The following GFRA3 variants were observed in gnomAD, a reference collection of about 807,000 sequenced individuals.
GFRA3 encodes the protein GDNF family receptor alpha-3.
In GFRA3, 24 loss-of-function variants were observed where a neutral mutation model predicts 40.0. The observed-to-expected ratio is 0.60, with a 90% confidence interval of 0.43 to 0.84. GFRA3 has a LOEUF of 0.84. Among genes scored for constraint, GFRA3 ranks in the 40% least tolerant of loss-of-function variants. GFRA3 has a pLI of 0.00. For synonymous variants in GFRA3, 203 were observed against 213.5 expected, an observed-to-expected ratio of 0.95 and a Z score of 0.43; for missense variants, 405 against 530.6, an observed-to-expected ratio of 0.76 and a Z score of 2.33.
intron 2 of GFRA3, among the ~76,000 whole-genome samples, chr5:138,260,817 T>G (rs1581509800): frequency 6.9e-6 from 1 of 144,310 alleles, no homozygotes; most frequent in South Asian, 2.2e-4. Context: ...TCCTTGAACC[T>G]AGGAACTTGA....
Position 138,252,954 on chromosome 5 carries a change from C to T in GFRA3, c.*14G>A. The stretch of plus-strand genomic sequence containing the variant: ...GGGTGTGGTGGAGGGGAAGAGGGCC[C>T]TGGGGAAGTCCAGCTACCATAGGCT... On this transcript the variant is annotated 3_prime_UTR_variant, in exon 8 of 8. Coordinates refer to ENST00000274721, the MANE Select transcript of GFRA3 (RefSeq NM_001496.4). 6.7e-7 allele frequency: 1 copy of T among 1,487,252 alleles called. No homozygotes were observed. Among genetic ancestry groups the T allele is most frequent in the Non-Finnish European group, 9.4e-7 (1 of 1,065,282 alleles). The allele number at this position is 1,487,252 out of a possible 1,614,324, so 92.1% of individuals were successfully genotyped here.
At position 138,264,519 on chromosome 5, in the gene GFRA3, T is replaced by C. The variant is rs1755754676; in HGVS notation, c.121A>G (p.Met41Val). ...GDPLPTESRL[M>V]NSCLQARRKC... ...CTCCTGGCCTGGAGACAGCTGTTCA[T>C]GAGTCGGCTTTCTGTGGGAAGGGGG... Residue 41 changes from methionine to valine, a missense_variant, in exon 2 of 8, where the codon ATG (methionine) becomes GTG (valine). By Grantham distance (21) the Met-to-Val change is conservative (BLOSUM62 1). Transcript: ENST00000274721. 1 of 1,609,694 alleles carries C rather than the reference T, an allele frequency of 6.2e-7. No individual in the cohort carries two copies. Among genetic ancestry groups the C allele is most frequent in the African/African-American group, 1.3e-5 (1 of 74,964 alleles).
In GFRA3 at chr5:138,259,599, G is replaced by C; in HGVS notation, c.430C>G (p.Pro144Ala). Residue 144 changes from proline to alanine, a missense_variant, in exon 3 of 8, where the codon CCC becomes GCC. Coordinates refer to ENST00000274721, the MANE Select transcript of GFRA3 (RefSeq NM_001496.4). ...SPYEDTVTSK[P>A]WKMNLSKLNM... Reference sequence around the variant, plus strand: ...AGTTTGCTGAGATTCATTTTCCAGGGTTTGCTGGTCACTGTGTCTTCATAG... The same window carrying C: ...AGTTTGCTGAGATTCATTTTCCAGGCTTTGCTGGTCACTGTGTCTTCATAG... The C allele has an allele frequency of 6.4e-7, 1 of 1,573,888 alleles. No homozygotes were observed. The highest frequency in any genetic ancestry group is 8.7e-7 in the Non-Finnish European group (1 of 1,143,264).
chr5:138,267,933 C>T (rs1194952636), intron 1 of GFRA3, among the ~76,000 whole-genome samples: 1 of 152,122 alleles, frequency 6.6e-6, no homozygotes, highest in Non-Finnish European at 1.5e-5. Flanking sequence ...ATTGGCTACC[C>T]ACATGTAGGA....
At position 138,253,448 on chromosome 5, in the gene GFRA3, G is replaced by A. The variant is rs2126609976; in HGVS notation, c.1025-73C>T. The A allele has an allele frequency of 4.1e-6, 4 of 986,912 alleles. No individual in the cohort carries two copies. The Admixed American group carries it at 6.0e-5, about 15-fold the overall frequency. 61.1% of individuals were successfully genotyped at this position (986,912 alleles called of 1,614,324 possible). A position where few individuals can be genotyped will look rare whatever the true frequency, so the allele number is the denominator to read the frequency against. ...TTTCTCAGGCTCCCAAGGAAGGAAA[G>A]GGAATGCCACAGGGACCCTGGGCTA... On this transcript the variant is annotated intron_variant, in intron 6 of 7. Transcript: ENST00000274721.
chr5:138,258,166 CTTTTTTTTTTTTTTTTTTTTTTTT>C (rs66792829), intron 3 of GFRA3, among the ~76,000 whole-genome samples: 1 of 51,640 alleles, frequency 1.9e-5, no homozygotes, highest in Non-Finnish European at 3.3e-5. Context: ...CCCTACTCCT[CTTTTTTTTTTTTTTTTTTTTTTTT>C]TTTTTTTGAG....
intron 3 of GFRA3, among the ~76,000 whole-genome samples, chr5:138,258,998 AAG>A (rs1280368407): frequency 1.3e-5 from 2 of 152,200 alleles, no homozygotes; most frequent in African/African-American, 2.4e-5. Context: ...CTTTCTCAAA[AAG>A]AGAGTGCATG....
rs1755719635 is a variant in GFRA3 at position 138,262,126 on chromosome 5, G to T, written c.379+2135C>A. Among the ~76,000 whole-genome samples the T allele has an allele frequency of 1.3e-5, 2 of 152,188 alleles. 1 individual carries two copies. Among genetic ancestry groups the T allele is most frequent in the African/African-American group, 4.8e-5 (2 of 41,448 alleles). ...AGAGCTACCAGTGTAGATTAAAAGA[G>T]ACTGTGACTATTTGAGACTTAAAAT... On this transcript the variant is annotated intron_variant, in intron 2 of 7. Coordinates refer to ENST00000274721, the MANE Select transcript of GFRA3 (RefSeq NM_001496.4).
Position 138,264,297 on chromosome 5 carries a change from C to T in GFRA3, c.343G>A (p.Asp115Asn). Residue 115 changes from aspartate to asparagine, a missense_variant, in exon 2 of 8, where the codon GAC becomes AAC. Transcript: ENST00000274721. The part of the protein sequence containing the change: ...RRMKNQVACL[D>N]IYWTVHRARS... ...GCACGGTGAACGGTCCAATAGATGT[C>T]CAAGCAGGCAACCTGGTTCTTCATG... The T allele has an allele frequency of 1.2e-6, 2 of 1,610,950 alleles. No homozygotes were observed. The highest frequency in any genetic ancestry group is 1.7e-6 in the Non-Finnish European group (2 of 1,177,508).
chr5:138,264,636 C>T (rs1196120310), intron 1 of GFRA3, 88 bp from the exon 2 acceptor site: 1 of 863,408 alleles, frequency 1.2e-6, no homozygotes, highest in Non-Finnish European at 1.8e-6. Context: ...AGGGATATTC[C>T]TGATGAAACT....
Position 138,257,956 on chromosome 5 carries a change from G to A in GFRA3, c.473-5C>T, listed in dbSNP as rs572246983. 1.2e-5 allele frequency: 19 copies of A among 1,613,480 alleles called. No individual in the cohort carries two copies. The highest frequency in any genetic ancestry group is 3.3e-5 in the Admixed American group (2 of 59,982). ...ACTTGAGGCAGAGGTCTGAGTCTGG[G>A]GGGAAAGGGCACGGAGTCAGTCGGC... On this transcript the variant is annotated splice_polypyrimidine_tract_variant and splice_region_variant and intron_variant, in intron 3 of 7. Transcript: ENST00000274721.
chr5:138,254,179 CTG>C lies in GFRA3; in HGVS notation c.786-21_786-20del, dbSNP rs1755593831. ...GCGTGATCTGGAAGAAGGGAAATTT[CTG>C]TCTTTCTTTTTTTTTTTTTTTTGAG... On this transcript the variant is annotated intron_variant, in intron 4 of 7. Transcript: ENST00000274721. 2.3e-6 allele frequency: 3 copies of C among 1,329,752 alleles called. No homozygotes were observed. Among genetic ancestry groups the C allele is most frequent in the Non-Finnish European group, 3.2e-6 (3 of 929,882 alleles). The allele number at this position is 1,329,752 out of a possible 1,614,324, so 82.4% of individuals were successfully genotyped here.
chr5:138,259,737 G>T, intron 2 of GFRA3, 88 bp from the exon 3 acceptor site: 1 of 769,130 alleles, frequency 1.3e-6, no homozygotes. Context: ...GACCTCAAAG[G>T]CCTGTGGAGA....
At chr5:138,255,704 G>A (rs1755616156) in intron 4 of GFRA3, among the ~76,000 whole-genome samples, 1 of 151,948 alleles carries the variant, frequency 6.6e-6, no homozygotes, top group South Asian at 2.1e-4. Context: ...TTCAACACTG[G>A]CCTGGCCAAC....
At chr5:138,266,915 C>T (rs1334659171) in intron 1 of GFRA3, 1 of 152,236 alleles carries the variant, frequency 6.6e-6, no homozygotes, top group Non-Finnish European at 1.5e-5. Context: ...CTCCTAACCT[C>T]AAGTGATCCA....
chr5:138,270,075 G>T (rs1007843489), intron 1 of GFRA3, among the ~76,000 whole-genome samples: 37 of 151,442 alleles, frequency 2.4e-4, no homozygotes, highest in African/African-American at 9.0e-4. Flanking sequence ...AAAAAGGAAT[G>T]AATTGGCCAG....
rs149897214 is a variant in GFRA3 at position 138,271,552 on chromosome 5, C to T, written c.91+2782G>A. On this transcript the variant is annotated intron_variant, in intron 1 of 7. Transcript: ENST00000274721. ...GTGTCTTTTTTAGTCAGCATAGTTCCGTTCCTTTCTTTTTCTTTCTCCTTT... is the reference window on the plus strand; with the variant it reads ...GTGTCTTTTTTAGTCAGCATAGTTCTGTTCCTTTCTTTTTCTTTCTCCTTT... Among the ~76,000 whole-genome samples the T allele has an allele frequency of 3.0e-3, 458 of 151,870 alleles. 6 individuals are homozygous for T. Among genetic ancestry groups the T allele is most frequent in the Middle Eastern group, 0.014 (4 of 294 alleles).
intron 7 of GFRA3, 47 bp from the exon 8 acceptor site, chr5:138,253,104 C>T: frequency 9.6e-7 from 1 of 1,046,556 alleles, no homozygotes; most frequent in Non-Finnish European, 1.5e-6. Flanking sequence ...TTTCTTTAGC[C>T]CTTTCACTAC....
In GFRA3 at chr5:138,264,568, GT is replaced by G. The variant is rs1755755501; in HGVS notation, c.92-21del. On this transcript the variant is annotated intron_variant, in intron 1 of 7. Transcript: ENST00000274721. ...GGTCTCCTGTAAAGGGAGATACCAG[GT>G]GAGGCTACGTAAGATTAGAATAGCT... is the stretch of plus-strand genomic sequence containing the variant. 1.3e-6 allele frequency: 2 copies of G among 1,540,344 alleles called. No homozygotes were observed. The highest frequency in any genetic ancestry group is 2.4e-5 in the South Asian group (2 of 83,120).
Sources: allele counts gnomAD v4.1 joint callset (sites outside exome capture counted in the v4.1 genomes callset), GRCh38; gene constraint gnomAD v4.1.1; transcripts MANE v1.5; gene names NCBI Gene and HGNC (gene_info 2026-07-23, HGNC 2026-07-21).